CYB5A: variants seen among roughly 807,000 people sequenced by gnomAD.
The protein encoded by CYB5A is cytochrome b5 type A, also known as cytochrome b5.
CYB5A carries 10 observed loss-of-function variants against 16.2 expected under a neutral mutation model. That is an observed-to-expected ratio of 0.62 (90% CI 0.38 to 1.04). The LOEUF is 1.04. CYB5A is among the 50% of genes least tolerant of loss of function. The pLI is 0.01. For synonymous variants in CYB5A, 62 were observed against 57.0 expected, an observed-to-expected ratio of 1.09 and a Z score of -0.40; for missense variants, 161 against 165.9, an observed-to-expected ratio of 0.97 and a Z score of 0.16.
intron 3 of CYB5A, chr18:74,260,536 C>T (rs1790818): frequency 0.05 from 17,694 of 351,752 alleles, 1,451 homozygotes; most frequent in African/African-American, 0.22. Context: ...ATGAGACACA[C>T]CCTTAAAGAT....
In CYB5A at chr18:74,253,332, C is replaced by A; in HGVS notation, c.*252G>T. On this transcript the variant is annotated 3_prime_UTR_variant, in exon 5 of 5. Transcript: ENST00000340533. Reference sequence around the variant, plus strand: ...CCAAATATATTTTTAAAAGATCATGCTTATAATAAGTAAATTACACATTAA... The same window carrying A: ...CCAAATATATTTTTAAAAGATCATGATTATAATAAGTAAATTACACATTAA... The A allele has an allele frequency of 4.9e-6, 2 of 404,316 alleles. No individual in the cohort carries two copies. Among genetic ancestry groups the A allele is most frequent in the Non-Finnish European group, 9.3e-6 (2 of 214,028 alleles). 25.0% of individuals were successfully genotyped at this position (404,316 alleles called of 1,614,324 possible).
chr18:74,291,670 G>A (rs2145094246), intron 1 of CYB5A, 77 bp downstream of exon 1: 1 of 1,604,516 alleles, frequency 6.2e-7, no homozygotes, highest in South Asian at 1.1e-5. Context: ...TCCGGGCCGC[G>A]AAAGACAGGT....
chr18:74,288,863 G>A (rs959309121), intron 1 of CYB5A, among the ~76,000 whole-genome samples: 4 of 152,146 alleles, frequency 2.6e-5, no homozygotes, highest in South Asian at 4.1e-4. Flanking sequence ...TAATAAAGAC[G>A]GCAAATGGAA....
At chr18:74,271,520 T>C (rs561172735) in intron 1 of CYB5A, among the ~76,000 whole-genome samples, 5 of 152,328 alleles carry the variant, frequency 3.3e-5, no homozygotes, top group African/African-American at 1.2e-4. Context: ...CCCAGATTAA[T>C]CAAGGTATAC....
chr18:74,275,228 A>G (rs1016808807), intron 1 of CYB5A, among the ~76,000 whole-genome samples: 9 of 152,236 alleles, frequency 5.9e-5, no homozygotes, highest in African/African-American at 2.2e-4. Flanking sequence ...CTAATACTTA[A>G]AACTCTGAGC....
Position 74,251,182 on chromosome 18 carries a change from A to C in CYB5A, c.*2402T>G, listed in dbSNP as rs888878222. On this transcript the variant is annotated 3_prime_UTR_variant, in exon 5 of 5. Transcript: ENST00000340533. ...GAGACTCTGTCTCAAAAACAAAAAA[A>C]AAAAAAAAAGAAAGTTTACTTTGCC... The C allele has an allele frequency of 6.6e-6, 1 of 152,232 alleles. No homozygotes were observed. The allele number at this position is 152,232 out of a possible 1,614,324, so 9.4% of individuals were successfully genotyped here.
intron 2 of CYB5A, chr18:74,261,741 A>T (rs1982207646): frequency 6.6e-6 from 1 of 152,368 alleles, no homozygotes; most frequent in African/African-American, 2.4e-5. Context: ...ACCTAATGTA[A>T]CCTCTTCTTC....
intron 4 of CYB5A, among the ~76,000 whole-genome samples, chr18:74,255,536 G>A (rs1378345554): frequency 6.6e-6 from 1 of 152,200 alleles, no homozygotes. Flanking sequence ...CAGCCAGCTA[G>A]ATCACGTGGC....
At chr18:74,291,051 T>TGAACGC (rs1222870478) in intron 1 of CYB5A, 1 of 155,966 alleles carries the variant, frequency 6.4e-6, no homozygotes, top group African/African-American at 2.4e-5. Context: ...CTCTTCCAGG[T>TGAACGC]GAACGCGAAC....
At chr18:74,256,803 A>G in intron 3 of CYB5A, 1 of 1,611,880 alleles carries the variant, frequency 6.2e-7, no homozygotes. Flanking sequence ...GGGAAAAGCA[A>G]GCAAAGCAGT....
intron 1 of CYB5A, among the ~76,000 whole-genome samples, chr18:74,273,207 A>G (rs1172560474): frequency 6.6e-6 from 1 of 152,226 alleles, no homozygotes; most frequent in Non-Finnish European, 1.5e-5. Flanking sequence ...AAGACAGTCA[A>G]GGGAAGAAGC....
chr18:74,271,076 G>A (rs1788632), intron 1 of CYB5A, among the ~76,000 whole-genome samples: 6 of 151,948 alleles, frequency 3.9e-5, no homozygotes, highest in Admixed American at 2.0e-4. Flanking sequence ...CTACTTTTCC[G>A]GAGCTCTAAC....
At chr18:74,282,260 G>A (rs1258274196) in intron 1 of CYB5A, among the ~76,000 whole-genome samples, 2 of 152,216 alleles carry the variant, frequency 1.3e-5, no homozygotes, top group African/African-American at 4.8e-5. Context: ...TGTGGAAAAA[G>A]GGGGTAAAAT....
chr18:74,276,290 G>A (rs1184311191), intron 1 of CYB5A, among the ~76,000 whole-genome samples: 2 of 152,104 alleles, frequency 1.3e-5, no homozygotes, highest in East Asian at 1.9e-4. Context: ...CGGGAACCCT[G>A]CTTTCTGACT....
chr18:74,273,103 A>G (rs948438836), intron 1 of CYB5A, among the ~76,000 whole-genome samples: 3 of 152,200 alleles, frequency 2.0e-5, no homozygotes, highest in African/African-American at 7.2e-5. Flanking sequence ...ATACGTACAC[A>G]CAAAAATGAA....
chr18:74,253,489 A>C lies in CYB5A; in HGVS notation c.*95T>G. On this transcript the variant is annotated 3_prime_UTR_variant, in exon 5 of 5. Transcript: ENST00000340533. ...GAGATATATTAAAATCATTGTTTTC[A>C]AGTGAAGGTTTCTGTCAGTTGAAGT... 1 of 750,068 alleles carries C rather than the reference A, an allele frequency of 1.3e-6. No individual in the cohort carries two copies. The allele number at this position is 750,068 out of a possible 1,614,324, so 46.5% of individuals were successfully genotyped here. A position where few individuals can be genotyped will look rare whatever the true frequency, so the allele number is the denominator to read the frequency against.
At position 74,255,762 on chromosome 18, in the gene CYB5A, G is replaced by A. The variant is rs532767512; in HGVS notation, c.302C>T (p.Thr101Ile). The A allele has an allele frequency of 1.2e-6, 2 of 1,612,242 alleles. No homozygotes were observed. The highest frequency in any genetic ancestry group is 1.7e-5 in the Admixed American group (1 of 60,024). The change falls in exon 4 of 5, where the codon ACT becomes ATT. Residue 101 changes from threonine to isoleucine, a missense_variant. Coordinates refer to ENST00000340533, the MANE Select transcript of CYB5A (RefSeq NM_148923.4). Reference protein sequence around the residue: ...KLNKPPETLITTIDSSSSWWT... With the variant: ...KLNKPPETLIITIDSSSSWWT... ...ATACCTGGAACTAGAATCAATAGTAGTGATAAGAGTTTCCTGAAACACGAG... is the reference window on the plus strand; with the variant it reads ...ATACCTGGAACTAGAATCAATAGTAATGATAAGAGTTTCCTGAAACACGAG...
intron 1 of CYB5A, among the ~76,000 whole-genome samples, chr18:74,271,213 T>C (rs1375878983): frequency 6.6e-6 from 1 of 152,254 alleles, no homozygotes; most frequent in Non-Finnish European, 1.5e-5. Context: ...GAGAAATCAA[T>C]GTGATCCAAT....
chr18:74,282,086 G>A (rs1983134982), intron 1 of CYB5A, among the ~76,000 whole-genome samples: 1 of 152,040 alleles, frequency 6.6e-6, no homozygotes, highest in Admixed American at 6.6e-5. Context: ...TGACTGCCTG[G>A]GAGCCTCCCT....
Sources: allele counts gnomAD v4.1 joint callset (sites outside exome capture counted in the v4.1 genomes callset), GRCh38; gene constraint gnomAD v4.1.1; transcripts MANE v1.5; gene names NCBI Gene and HGNC (gene_info 2026-07-23, HGNC 2026-07-21).